The following USP14 variants were observed in gnomAD, a reference collection of about 807,000 sequenced individuals.
USP14 encodes ubiquitin specific peptidase 14.
A neutral mutation model predicts 76.5 loss-of-function variants in USP14; 38 were observed. That is an observed-to-expected ratio of 0.50 (90% confidence interval 0.38 to 0.65). USP14 has a LOEUF of 0.65. Among genes scored for constraint, USP14 ranks in the 30% least tolerant of loss-of-function variants. USP14 has a pLI of 0.00. For synonymous variants in USP14, 192 were observed against 191.7 expected (o/e 1.00, Z -0.01); for missense variants, 467 against 586.5 (o/e 0.80, Z 2.10).
Position 214,386 on chromosome 18 carries a change from C to A in USP14, c.*3102C>A. On this transcript the variant is annotated 3_prime_UTR_variant, in exon 16 of 16. Transcript: ENST00000261601. Reference sequence around the variant, plus strand: ...TTTAACTTCATTATAAATACATCTACTTAACAAAAAAATATATTTTGTGAT... The same window carrying A: ...TTTAACTTCATTATAAATACATCTAATTAACAAAAAAATATATTTTGTGAT... The A allele has an allele frequency of 2.4e-6, 1 of 419,376 alleles. No homozygotes were observed. Among genetic ancestry groups the A allele is most frequent in the Non-Finnish European group, 4.2e-6 (1 of 235,958 alleles). 26.0% of individuals were successfully genotyped at this position (419,376 alleles called of 1,614,324 possible).
intron 12 of USP14, among the ~76,000 whole-genome samples, chr18:204,333 T>C (rs1352698642): frequency 6.6e-6 from 1 of 152,112 alleles, no homozygotes; most frequent in Non-Finnish European, 1.5e-5. Context: ...GGTTAGAGTA[T>C]TTAATGGAAA....
chr18:182,097 A>C (rs1044801994), intron 5 of USP14, among the ~76,000 whole-genome samples: 4 of 152,210 alleles, frequency 2.6e-5, no homozygotes, highest in Non-Finnish European at 5.9e-5. Flanking sequence ...TATGTCAGTC[A>C]GTACTGGTTT....
chr18:198,250 T>C (rs1910294124), intron 9 of USP14, 118 bp downstream of exon 9: 2 of 903,648 alleles, frequency 2.2e-6, no homozygotes, highest in South Asian at 2.5e-5. Context: ...AGGTTTTTTT[T>C]CTTTGAGACG....
At chr18:205,899 A>C (rs932402822) in intron 13 of USP14, among the ~76,000 whole-genome samples, 1 of 152,156 alleles carries the variant, frequency 6.6e-6, no homozygotes, top group Non-Finnish European at 1.5e-5. Context: ...TGCTCCTTCC[A>C]TTTCATTGCT....
In USP14 at chr18:202,935, A is replaced by G. The variant is rs1910422758; in HGVS notation, c.932A>G (p.Tyr311Cys). 3 of 1,614,034 alleles carry G rather than the reference A, an allele frequency of 1.9e-6. No homozygotes were observed. The highest frequency in any genetic ancestry group is 2.5e-6 in the Non-Finnish European group (3 of 1,179,998). The change falls in exon 11 of 16, where the codon TAT becomes TGT. Residue 311 changes from tyrosine to cysteine, a missense_variant. Coordinates refer to ENST00000261601, the MANE Select transcript of USP14 (RefSeq NM_005151.4). ...QSPTLQRNAL[Y>C]IKSSKISRLP... ...CCAACGTTGCAAAGAAATGCCTTGTATATCAAATCTGTAAGTTATGCAGTC... is the reference window on the plus strand; with the variant it reads ...CCAACGTTGCAAAGAAATGCCTTGTGTATCAAATCTGTAAGTTATGCAGTC...
intron 1 of USP14, among the ~76,000 whole-genome samples, chr18:161,453 A>G (rs192768053): frequency 3.2e-4 from 48 of 152,330 alleles, no homozygotes; most frequent in African/African-American, 1.2e-3. Context: ...TTCAAAATTG[A>G]TAGTGATAAC....
chr18:159,976 T>G (rs1317928729), intron 1 of USP14, among the ~76,000 whole-genome samples: 9 of 152,214 alleles, frequency 5.9e-5, no homozygotes, highest in Admixed American at 5.9e-4. Flanking sequence ...GAAGAGAACA[T>G]TTTAAGTACT....
At chr18:196,380 C>T (rs558832753) in intron 6 of USP14, among the ~76,000 whole-genome samples, 3 of 151,738 alleles carry the variant, frequency 2.0e-5, no homozygotes, top group East Asian at 1.9e-4. Context: ...AAAAATTAGC[C>T]GGGAATGGTG....
chr18:196,834 T>TA, intron 7 of USP14, 67 bp downstream of exon 7: 1 of 1,562,192 alleles, frequency 6.4e-7, no homozygotes. Context: ...TTACCGTACT[T>TA]ACTGGAACAT....
chr18:162,111 A>G (rs966297047), intron 1 of USP14, among the ~76,000 whole-genome samples: 2 of 152,166 alleles, frequency 1.3e-5, no homozygotes, highest in Non-Finnish European at 2.9e-5. Context: ...CGTTGTATGT[A>G]TATACCACAT....
chr18:179,032 T>G lies in USP14; in HGVS notation c.295T>G (p.Ser99Ala). 1.2e-6 allele frequency: 2 copies of G among 1,606,080 alleles called. No individual in the cohort carries two copies. The highest frequency in any genetic ancestry group is 1.7e-6 in the Non-Finnish European group (2 of 1,177,402). ...AGACATGACAGAAGAACAGTTAGCA[T>G]CTGCTGTAAGACACACCAGATTTTA... ...VEDMTEEQLA[S>A]AMELPCGLTN... Residue 99 changes from serine (S) to alanine (A), a missense_variant, in exon 4 of 16, where the codon TCT becomes GCT. Transcript: ENST00000261601.
chr18:161,995 T>C (rs1474485090), intron 1 of USP14, among the ~76,000 whole-genome samples: 1 of 152,178 alleles, frequency 6.6e-6, no homozygotes, highest in South Asian at 2.1e-4. Flanking sequence ...ACCATTCTCT[T>C]TTTGTATGTA....
chr18:208,807 A>G (rs897345205), intron 13 of USP14, among the ~76,000 whole-genome samples: 2 of 152,094 alleles, frequency 1.3e-5, no homozygotes, highest in East Asian at 1.9e-4. Context: ...GTGCATAGGT[A>G]CGATCCCGGC....
chr18:165,259 A>G (rs1055561849), intron 2 of USP14, among the ~76,000 whole-genome samples: 3 of 152,166 alleles, frequency 2.0e-5, no homozygotes, highest in African/African-American at 7.2e-5. Context: ...TATTATTTTT[A>G]ATAATATAAG....
At chr18:204,220 C>T (rs1910465143) in intron 12 of USP14, among the ~76,000 whole-genome samples, 1 of 150,992 alleles carries the variant, frequency 6.6e-6, no homozygotes, top group African/African-American at 2.4e-5. Flanking sequence ...TAAGTTTATT[C>T]CAGTTTGGGA....
chr18:207,036 A>AAACTTCATGTGTCTTTCTATTCAT (rs1555603127), intron 13 of USP14, among the ~76,000 whole-genome samples: 1 of 146,872 alleles, frequency 6.8e-6, no homozygotes, highest in South Asian at 2.2e-4. Flanking sequence ...GCATGTGAAT[A>AAACTTCATGTGTCTTTCTATTCAT]TCTGGTTGTC....
At chr18:169,704 A>C (rs1218518317) in intron 3 of USP14, among the ~76,000 whole-genome samples, 2 of 152,154 alleles carry the variant, frequency 1.3e-5, no homozygotes, top group Non-Finnish European at 2.9e-5. Flanking sequence ...GTTTGTGGCC[A>C]CCTTGCATCG....
intron 2 of USP14, among the ~76,000 whole-genome samples, chr18:165,272 T>C (rs1371121843): frequency 6.6e-6 from 1 of 152,164 alleles, no homozygotes; most frequent in East Asian, 1.9e-4. Flanking sequence ...AATATAAGTA[T>C]AGCTTTAAAA....
At chr18:203,062 G>C (rs780516201) in intron 11 of USP14, 36 bp from the exon 12 acceptor site, 1 of 1,606,882 alleles carries the variant, frequency 6.2e-7, no homozygotes, top group South Asian at 1.1e-5. Flanking sequence ...ATGGTATTTT[G>C]ATGTAATGGG....
Sources: allele counts gnomAD v4.1 joint callset (sites outside exome capture counted in the v4.1 genomes callset), GRCh38; gene constraint gnomAD v4.1.1; transcripts MANE v1.5; gene names NCBI Gene and HGNC (gene_info 2026-07-23, HGNC 2026-07-21).